Variants in FBXO15 observed in about 807,000 individuals in gnomAD.
FBXO15 encodes the protein F-box only protein 15.
Under a neutral mutation model 49.5 loss-of-function variants are expected in FBXO15, and 30 were observed. The observed-to-expected ratio is 0.61, with a 90% CI of 0.45 to 0.82. FBXO15 has a LOEUF of 0.82. Ranked by LOEUF, FBXO15 falls within the 40% of genes least tolerant of loss-of-function variation. FBXO15 has a pLI of 0.00. For synonymous variants in FBXO15, 250 were observed against 232.7 expected (o/e 1.07, Z -0.68); for missense variants, 591 against 631.5 (o/e 0.94, Z 0.69).
intron 3 of FBXO15, among the ~76,000 whole-genome samples, chr18:74,131,159 A>G (rs146001689): frequency 3.9e-4 from 59 of 152,350 alleles, no homozygotes; most frequent in African/African-American, 1.3e-3. Flanking sequence ...TCACAAAGAG[A>G]AAAAAAGTGA....
At chr18:74,085,914 A>G (rs1299477299) in intron 8 of FBXO15, among the ~76,000 whole-genome samples, 1 of 152,244 alleles carries the variant, frequency 6.6e-6, no homozygotes, top group African/African-American at 2.4e-5. Context: ...AACAACCAGG[A>G]AATTTAAAAT....
In FBXO15 at chr18:74,136,812, G is replaced by A. The variant is rs117175782; in HGVS notation, c.228-946C>T. Among the ~76,000 whole-genome samples the A allele has an allele frequency of 2.7e-3, 413 of 152,282 alleles. 1 individual carries two copies. Among genetic ancestry groups the A allele is most frequent in the Non-Finnish European group, 3.9e-3 (265 of 68,024 alleles). On this transcript the variant is annotated intron_variant, in intron 2 of 9. Transcript: ENST00000419743. ...GTGAATCTTCAGCAAAAGGGCAAGC[G>A]GCAACAGAGCTACCACAGATTGTAT...
At chr18:74,100,432 T>C (rs80321897) in intron 8 of FBXO15, among the ~76,000 whole-genome samples, 3,904 of 152,144 alleles carry the variant, frequency 0.026, 151 homozygotes, top group African/African-American at 0.087. Context: ...AGAGGAAAGT[T>C]CATAGCCCTA....
intron 8 of FBXO15, among the ~76,000 whole-genome samples, chr18:74,083,401 G>A (rs1237879762): frequency 6.6e-6 from 1 of 152,226 alleles, no homozygotes; most frequent in East Asian, 1.9e-4. Flanking sequence ...TGGAGGCACA[G>A]TAATGACATT....
intron 8 of FBXO15, among the ~76,000 whole-genome samples, chr18:74,085,239 A>AAG (rs58916877): frequency 2.6e-5 from 4 of 151,780 alleles, no homozygotes; most frequent in African/African-American, 9.7e-5. Flanking sequence ...GAAAAAAAAA[A>AAG]GTTGACTTCA....
chr18:74,091,448 G>T (rs12955042), intron 8 of FBXO15, among the ~76,000 whole-genome samples: 13,670 of 152,190 alleles, frequency 0.09, 851 homozygotes, highest in Admixed American at 0.17. Flanking sequence ...GTTGTCAGCA[G>T]TTACTATGTA....
intron 6 of FBXO15, among the ~76,000 whole-genome samples, chr18:74,125,592 C>T (rs772801145): frequency 2.6e-5 from 4 of 151,866 alleles, no homozygotes; most frequent in African/African-American, 7.3e-5. Flanking sequence ...GTGCTGAACA[C>T]ATAGTAAGGG....
Position 74,075,116 on chromosome 18 carries a change from G to A in FBXO15, c.1264-1386C>T, listed in dbSNP as rs967717799. ...ATGCAGCTGCACCATCCTCAGCTCG[G>A]CCTGACGGTCCCACCCTGGCTCTCT... On this transcript the variant is annotated intron_variant, in intron 9 of 9. Transcript: ENST00000419743. The surrounding 1 kb of genome is among the most constrained non-coding windows in gnomAD (Gnocchi z 4.1). Among the ~76,000 whole-genome samples the A allele has an allele frequency of 6.6e-6, 1 of 152,150 alleles. No homozygotes were observed. The highest frequency in any genetic ancestry group is 2.4e-5 in the African/African-American group (1 of 41,430).
intron 8 of FBXO15, among the ~76,000 whole-genome samples, chr18:74,096,465 A>G (rs1913278612): frequency 1.3e-5 from 2 of 152,156 alleles, no homozygotes; most frequent in African/African-American, 4.8e-5. Context: ...GGCACCACCT[A>G]GAGCCAAAAA....
intron 8 of FBXO15, chr18:74,122,928 T>A (rs1914532092): frequency 6.5e-6 from 1 of 153,434 alleles, no homozygotes; most frequent in Admixed American, 6.5e-5. Flanking sequence ...CCAGCCTCTG[T>A]CCTGGCTTTG....
chr18:74,114,399 T>A (rs1432266729), intron 8 of FBXO15, among the ~76,000 whole-genome samples: 1 of 152,190 alleles, frequency 6.6e-6, no homozygotes, highest in Admixed American at 6.5e-5. Context: ...TTGTTCTGTA[T>A]CCTTTCACTG....
At chr18:74,077,129 C>T (rs576806362) in intron 9 of FBXO15, among the ~76,000 whole-genome samples, 2 of 152,312 alleles carry the variant, frequency 1.3e-5, no homozygotes, top group South Asian at 2.1e-4. Flanking sequence ...ACCAAGAGGG[C>T]AGGACTTAGG....
chr18:74,113,410 T>C (rs768998292), intron 8 of FBXO15, among the ~76,000 whole-genome samples: 35 of 152,280 alleles, frequency 2.3e-4, no homozygotes, highest in Non-Finnish European at 4.0e-4. Flanking sequence ...ATTAAATATA[T>C]AACACCAAGA....
chr18:74,109,282 C>G (rs1383118303), intron 8 of FBXO15, among the ~76,000 whole-genome samples: 1 of 152,166 alleles, frequency 6.6e-6, no homozygotes, highest in Non-Finnish European at 1.5e-5. Flanking sequence ...TAATAAGACA[C>G]CATCTCACGC....
intron 8 of FBXO15, among the ~76,000 whole-genome samples, chr18:74,095,687 A>G (rs1340627010): frequency 1.3e-5 from 2 of 152,240 alleles, no homozygotes; most frequent in Non-Finnish European, 2.9e-5. Context: ...GGGAATTACC[A>G]ACATGTGACA....
At chr18:74,094,416 T>C (rs981438897) in intron 8 of FBXO15, among the ~76,000 whole-genome samples, 17 of 152,328 alleles carry the variant, frequency 1.1e-4, no homozygotes, top group African/African-American at 4.1e-4. Flanking sequence ...TCCACCCTGA[T>C]TGTAAGCTTC....
intron 6 of FBXO15, 138 bp downstream of exon 6, chr18:74,125,837 A>C: frequency 8.3e-7 from 1 of 1,206,818 alleles, no homozygotes. Flanking sequence ...TGAAAAAATG[A>C]AGTTGGTGAG....
chr18:74,119,734 G>T (rs988137312), intron 8 of FBXO15, among the ~76,000 whole-genome samples: 1 of 152,186 alleles, frequency 6.6e-6, no homozygotes, highest in African/African-American at 2.4e-5. Context: ...AAGCTGCAGC[G>T]GAGCTAGAGT....
In FBXO15 at chr18:74,143,086, G is replaced by T. The variant is rs116540201; in HGVS notation, c.117-2774C>A. ...AACCCTTAAGCCTATGGGAGTGTGG[G>T]GGTTGGCTGTACCTAGAATCGGAGT... On this transcript the variant is annotated intron_variant, in intron 1 of 9. Coordinates refer to ENST00000419743, the MANE Select transcript of FBXO15 (RefSeq NM_001142958.2). 5.5e-3 allele frequency among the ~76,000 whole-genome samples: 844 copies of T among 152,170 alleles called. 8 individuals carry two copies. Among genetic ancestry groups the T allele is most frequent in the African/African-American group, 0.02 (813 of 41,524 alleles).
Sources: gnomAD v4.1 joint callset for allele counts (sites outside exome capture counted in the v4.1 genomes callset) on GRCh38, gnomAD v4.1.1 for gene constraint, Gnocchi (gnomAD v3.1) non-coding constraint, MANE v1.5 for transcripts, NCBI Gene and HGNC (gene_info 2026-07-23, HGNC 2026-07-21) for gene names.